The following USP43 variants were observed in gnomAD, a reference collection of about 807,000 sequenced individuals.
USP43 encodes ubiquitin carboxyl-terminal hydrolase 43.
A neutral mutation model predicts 90.7 loss-of-function variants in USP43; 33 were observed. That is an observed-to-expected ratio of 0.36 (90% CI 0.28 to 0.49). The LOEUF (loss-of-function observed/expected upper bound fraction) is 0.49. Ranked by LOEUF, USP43 falls within the 20% of genes least tolerant of loss-of-function variation. The pLI is 0.98. For missense variants in USP43, 1,274 were observed against 1,476.4 expected (o/e 0.86, Z 2.25); for synonymous variants, 598 against 615.8 (o/e 0.97, Z 0.43).
rs764215661 is a variant in USP43, at chr17:9,656,521, C to T, written c.623C>T (p.Pro208Leu). 14 of 1,610,910 alleles carry T rather than the reference C, an allele frequency of 8.7e-6. No individual in the cohort carries two copies. The highest frequency in any genetic ancestry group is 1.7e-4 in the Middle Eastern group (1 of 6,060). The part of the protein sequence containing the change: ...HEDLEGSSRG[P>L]VSEKLPPEAT... ...GACCTGGAGGGTTCATCCCGAGGGC[C>T]GGTGTCGGAGAAGGTCGGTCACTCT... The change falls in exon 2 of 15, where the codon CCG (proline) becomes CTG (leucine). Residue 208 changes from proline (P) to leucine (L), a missense_variant. This residue lies in a region of USP43 where 259 missense variants were observed against 373.7 expected (regional missense o/e 0.69). Transcript: ENST00000285199.
intron 2 of USP43, among the ~76,000 whole-genome samples, chr17:9,657,663 AAGAG>A (rs367810661): frequency 2.0e-5 from 3 of 152,126 alleles, no homozygotes; most frequent in Non-Finnish European, 2.9e-5. Flanking sequence ...GGTGGCAGGA[AAGAG>A]AGAGAGTGAG....
chr17:9,692,273 C>T (rs1915004233), intron 8 of USP43, among the ~76,000 whole-genome samples: 1 of 150,992 alleles, frequency 6.6e-6, no homozygotes, highest in African/African-American at 2.4e-5. Context: ...GCAGGAGAAT[C>T]ACCTGAACTC....
chr17:9,673,201 T>C (rs1180946675), intron 3 of USP43, among the ~76,000 whole-genome samples: 1 of 152,130 alleles, frequency 6.6e-6, no homozygotes, highest in Admixed American at 6.5e-5. Context: ...GGTATGTACA[T>C]GTGGAATATA....
At chr17:9,676,579 C>T (rs1913793891) in intron 4 of USP43, among the ~76,000 whole-genome samples, 167 bp from the exon 5 acceptor site, 1 of 152,152 alleles carries the variant, frequency 6.6e-6, no homozygotes, top group Non-Finnish European at 1.5e-5. Context: ...ACCATGCTGG[C>T]CAGGCTAGTC....
intron 4 of USP43, among the ~76,000 whole-genome samples, chr17:9,675,193 A>T (rs988917797): frequency 6.6e-6 from 1 of 152,212 alleles, no homozygotes; most frequent in Non-Finnish European, 1.5e-5. Flanking sequence ...GGAAGGAATT[A>T]TGAATGTTTG....
chr17:9,679,516 CTT>C (rs544977324), intron 5 of USP43, among the ~76,000 whole-genome samples: 1,619 of 82,224 alleles, frequency 0.02, 40 homozygotes, highest in East Asian at 0.074. Context: ...TGAAATGCAT[CTT>C]TTTTTTTTTT....
In USP43 at chr17:9,675,088, G is replaced by A. The variant is rs147948243; in HGVS notation, c.833+105G>A. 402 of 985,984 alleles carry A rather than the reference G, an allele frequency of 4.1e-4. No homozygotes were observed. The African/African-American group carries it at 5.3e-3, about 13-fold the overall frequency. The allele number at this position is 985,984 out of a possible 1,614,324, so 61.1% of individuals were successfully genotyped here. On this transcript the variant is annotated intron_variant, in intron 4 of 14. Transcript: ENST00000285199. ...GCCATTTTCTCTCCTTTGCTTCTCA[G>A]CCAGCATTTCTCTGGAAACCAGCCT...
chr17:9,726,757 C>G (rs1917294325), intron 14 of USP43, among the ~76,000 whole-genome samples: 1 of 152,168 alleles, frequency 6.6e-6, no homozygotes, highest in Admixed American at 6.5e-5. Flanking sequence ...TGAAGTGGCA[C>G]AGTGAGAGTG....
At chr17:9,705,187 A>G (rs1915799945) in intron 12 of USP43, among the ~76,000 whole-genome samples, 1 of 151,852 alleles carries the variant, frequency 6.6e-6, no homozygotes, top group African/African-American at 2.4e-5. Context: ...AATACAAGCA[A>G]TTGTGAGTAT....
chr17:9,718,858 A>G (rs1034903966), intron 14 of USP43, among the ~76,000 whole-genome samples: 12 of 151,942 alleles, frequency 7.9e-5, no homozygotes, highest in Non-Finnish European at 2.9e-5. Flanking sequence ...AGAAAAAGAA[A>G]AAAAGAATCC....
chr17:9,651,029 G>A (rs1911822722), intron 1 of USP43, among the ~76,000 whole-genome samples: 1 of 151,964 alleles, frequency 6.6e-6, no homozygotes, highest in South Asian at 2.1e-4. Flanking sequence ...TTGCTCTTGT[G>A]CCTTTGCATC....
intron 8 of USP43, among the ~76,000 whole-genome samples, chr17:9,690,099 C>T (rs1914846388): frequency 6.6e-6 from 1 of 152,292 alleles, no homozygotes; most frequent in African/African-American, 2.4e-5. Context: ...ACCCACCAGC[C>T]TTGTGGCCGA....
rs1176845690 is a variant in USP43 at position 9,680,358 on chromosome 17, C to A, written c.1097C>A (p.Thr366Asn). The A allele has an allele frequency of 1.2e-6, 2 of 1,613,846 alleles. No homozygotes were observed. The highest frequency in any genetic ancestry group is 4.5e-5 in the East Asian group (2 of 44,876). Residue 366 changes from threonine (T) to asparagine (N), a missense_variant, in exon 6 of 15, where the codon ACT (threonine) becomes AAT (asparagine). Physicochemically the swap from Thr to Asn is moderately conservative, Grantham distance 65. Coordinates refer to ENST00000285199, the MANE Select transcript of USP43 (RefSeq NM_153210.5). ...GTTCCTCCCTCACCCAGCCAGGGGA[C>A]TCTCTCAGGTATAACAGGTGCTTTG... ...FQVPPSPSQG[T>N]LSAHPLGLSA...
At chr17:9,725,975 G>C (rs1917249007) in intron 14 of USP43, among the ~76,000 whole-genome samples, 1 of 152,112 alleles carries the variant, frequency 6.6e-6, no homozygotes, top group Admixed American at 6.5e-5. Flanking sequence ...AATTTAATAA[G>C]GTCAATCTAA....
In USP43 at chr17:9,701,544, G is replaced by A; in HGVS notation, c.1855G>A (p.Val619Met). The A allele has an allele frequency of 1.9e-6, 3 of 1,565,116 alleles. No individual in the cohort carries two copies. The South Asian group carries it at 3.5e-5, about 18-fold the overall frequency. ...CTCTGGACTCAACATGGCTCCCCAT[G>A]TGGCCCAGAGAAGCACCAGCCCTGA... ...PLSGLNMAPH[V>M]AQRSTSPEAG... is the part of the protein sequence containing the mutation. The change falls in exon 12 of 15, where the codon GTG becomes ATG. Residue 619 changes from valine to methionine, a missense_variant. Val to Met is a conservative substitution (Grantham distance 21). Around this residue, in one of 6 missense-constraint regions of USP43, gnomAD observed 285 missense variants for 349.6 expected, o/e 0.82. Coordinates refer to ENST00000285199, the MANE Select transcript of USP43 (RefSeq NM_153210.5). The surrounding 1 kb of genome is among the most constrained non-coding windows in gnomAD (Gnocchi z 7.2).
rs561652206 is a variant in USP43, at chr17:9,728,024, T to A, written c.2406T>A (p.Thr802=). ...GRSISMKAPT[T]SRAKQGPFKT... ...GCATTAGCATGAAGGCACCCACCACTTCCCGAGCCAAGCAGGGACCATTCA... is the reference window on the plus strand; with the variant it reads ...GCATTAGCATGAAGGCACCCACCACATCCCGAGCCAAGCAGGGACCATTCA... The change falls in exon 15 of 15, where the codon ACT becomes ACA. Residue 802 remains threonine, a synonymous_variant. Transcript: ENST00000285199. This position sits in a 1 kb window ranked among gnomAD's most constrained non-coding sequence, Gnocchi z 6.2. 5.6e-6 allele frequency: 9 copies of A among 1,613,500 alleles called. No homozygotes were observed. Among genetic ancestry groups the A allele is most frequent in the Non-Finnish European group, 7.6e-6 (9 of 1,179,652 alleles).
chr17:9,725,459 G>A (rs961906971), intron 14 of USP43, among the ~76,000 whole-genome samples: 1 of 152,100 alleles, frequency 6.6e-6, no homozygotes, highest in Non-Finnish European at 1.5e-5. Context: ...CACCCTAGAC[G>A]GGAAGTGACT....
At chr17:9,705,778 CAA>C (rs59398544) in intron 12 of USP43, among the ~76,000 whole-genome samples, 1 of 146,476 alleles carries the variant, frequency 6.8e-6, no homozygotes, top group Non-Finnish European at 1.5e-5. Context: ...ACAACAACAG[CAA>C]AAAAAAAACC....
intron 14 of USP43, among the ~76,000 whole-genome samples, chr17:9,713,086 CT>C (rs1916300070): frequency 6.6e-6 from 1 of 151,866 alleles, no homozygotes; most frequent in Non-Finnish European, 1.5e-5. Context: ...TTTTATCTAA[CT>C]GTATATTTGT....
Sources: gnomAD v4.1 joint callset for allele counts (sites outside exome capture counted in the v4.1 genomes callset) on GRCh38, gnomAD v4.1.1 for gene constraint, gnomAD v4.1.1 regional missense constraint, Gnocchi (gnomAD v3.1) non-coding constraint, MANE v1.5 for transcripts, NCBI Gene and HGNC (gene_info 2026-07-23, HGNC 2026-07-21) for gene names.